The following TMEM178B variants were observed in gnomAD, a reference collection of about 807,000 sequenced individuals.
TMEM178B encodes the protein transmembrane protein 178B.
A neutral mutation model predicts 31.0 loss-of-function variants in TMEM178B; 5 were observed. The ratio of observed to expected loss-of-function variants is 0.16; its 90% CI spans 0.08 to 0.34. The LOEUF is 0.34. TMEM178B is among the 10% of genes least tolerant of loss of function. The probability of loss-of-function intolerance (pLI) is 1.00; values close to 1 mark genes in which losing one functional copy is unlikely to be tolerated. For synonymous variants in TMEM178B, 164 were observed against 164.0 expected, an observed-to-expected ratio of 1.00 and a Z score of 0.00; for missense variants, 275 against 400.3, an observed-to-expected ratio of 0.69 and a Z score of 2.67.
At chr7:141,500,306 A>G in the TMEM178B span, among the ~76,000 whole-genome samples, 1 of 152,322 alleles carries the variant, frequency 6.6e-6, no homozygotes, top group African/African-American at 2.4e-5. Context: ...AATGAAGCCA[A>G]TACTGCAGGG....
At chr7:141,110,803 G>A (rs1795222835) in intron 1 of TMEM178B, among the ~76,000 whole-genome samples, 1 of 152,200 alleles carries the variant, frequency 6.6e-6, no homozygotes, top group Non-Finnish European at 1.5e-5. Flanking sequence ...GATTAAATGA[G>A]GTTGTAAGGC....
chr7:141,505,653 C>T, the TMEM178B span, among the ~76,000 whole-genome samples: 49 of 152,298 alleles, frequency 3.2e-4, no homozygotes, highest in Middle Eastern at 6.8e-3. Flanking sequence ...TACTGCCTGC[C>T]GAACAGGACT....
intron 1 of TMEM178B, among the ~76,000 whole-genome samples, chr7:141,117,751 A>G (rs1482339027): frequency 1.3e-5 from 2 of 152,156 alleles, no homozygotes; most frequent in African/African-American, 2.4e-5. Flanking sequence ...TCCCAATACC[A>G]TTTATTAAAT....
intron 3 of TMEM178B, among the ~76,000 whole-genome samples, chr7:141,460,539 A>C (rs1712268515): frequency 6.6e-6 from 1 of 152,230 alleles, no homozygotes; most frequent in Non-Finnish European, 1.5e-5. Context: ...AGATGTGTAA[A>C]AACCAAGGGA....
chr7:141,204,745 T>A (rs891570549), intron 1 of TMEM178B, among the ~76,000 whole-genome samples: 1 of 152,234 alleles, frequency 6.6e-6, no homozygotes, highest in African/African-American at 2.4e-5. Context: ...CCTTGATATC[T>A]ATTTTTCACT....
chr7:141,100,098 C>T (rs529192683), intron 1 of TMEM178B, among the ~76,000 whole-genome samples: 191 of 152,278 alleles, frequency 1.3e-3, no homozygotes, highest in Non-Finnish European at 2.0e-3. Flanking sequence ...GGATTACAGG[C>T]GTGAGCCACT....
intron 3 of TMEM178B, among the ~76,000 whole-genome samples, chr7:141,451,527 A>G (rs560487556): frequency 1.5e-4 from 23 of 152,310 alleles, no homozygotes; most frequent in African/African-American, 4.1e-4. Context: ...ATTATGCAGC[A>G]CTGTCTTCCA....
intron 1 of TMEM178B, among the ~76,000 whole-genome samples, chr7:141,080,348 C>A (rs993637502): frequency 6.6e-6 from 1 of 152,118 alleles, no homozygotes; most frequent in Non-Finnish European, 1.5e-5. Flanking sequence ...CGGCTGGGCA[C>A]GGTGGCGCAC....
intron 2 of TMEM178B, among the ~76,000 whole-genome samples, chr7:141,396,094 G>A (rs544871875): frequency 6.6e-6 from 1 of 152,212 alleles, no homozygotes; most frequent in South Asian, 2.1e-4. Flanking sequence ...GGGCTTGGGG[G>A]TGCTCACCAG....
chr7:141,418,566 G>A (rs956707862), intron 2 of TMEM178B, among the ~76,000 whole-genome samples: 1 of 152,062 alleles, frequency 6.6e-6, no homozygotes, highest in Admixed American at 6.5e-5. Flanking sequence ...CACTTCCATG[G>A]TGACCCTTAT....
At chr7:141,104,345 A>T (rs1393659797) in intron 1 of TMEM178B, among the ~76,000 whole-genome samples, 2 of 152,222 alleles carry the variant, frequency 1.3e-5, no homozygotes, top group South Asian at 2.1e-4. Flanking sequence ...TCTAGAAAAC[A>T]TTCTACTGCC....
At chr7:141,338,076 A>G (rs113275667) in intron 2 of TMEM178B, among the ~76,000 whole-genome samples, 2 of 152,162 alleles carry the variant, frequency 1.3e-5, no homozygotes, top group African/African-American at 4.8e-5. Context: ...TGACCTCGTG[A>G]TGCACCCACC....
chr7:141,095,595 G>A (rs1015770552), intron 1 of TMEM178B, among the ~76,000 whole-genome samples: 8 of 152,022 alleles, frequency 5.3e-5, no homozygotes, highest in African/African-American at 1.9e-4. Flanking sequence ...ATAATCTTTG[G>A]TCGCCCATTT....
In TMEM178B at chr7:141,241,624, G is replaced by C. The variant is rs991395333; in HGVS notation, c.496+28920G>C. Among the ~76,000 whole-genome samples the C allele has an allele frequency of 2.7e-4, 41 of 150,292 alleles. 1 individual carries two copies. The highest frequency in any genetic ancestry group is 4.7e-4 in the Admixed American group (7 of 14,942). On this transcript the variant is annotated intron_variant, in intron 2 of 3. Coordinates refer to ENST00000565468, the MANE Select transcript of TMEM178B (RefSeq NM_001195278.2). ...AAAAAAAAAAAAAAAGAATTTATCTGGTTCCTCAGCTACCAAGGCTCCAGC... is the reference window on the plus strand; with the variant it reads ...AAAAAAAAAAAAAAAGAATTTATCTCGTTCCTCAGCTACCAAGGCTCCAGC...
chr7:141,161,549 A>G (rs1176225392), intron 1 of TMEM178B, among the ~76,000 whole-genome samples: 1 of 152,142 alleles, frequency 6.6e-6, no homozygotes, highest in Admixed American at 6.5e-5. Flanking sequence ...GCTGAGTTTT[A>G]TGAAGGTCAT....
chr7:141,500,263 A>C, the TMEM178B span, among the ~76,000 whole-genome samples: 15,764 of 152,144 alleles, frequency 0.1, 2,472 homozygotes, highest in African/African-American at 0.34. Context: ...ATAATCTAGG[A>C]GAGGAATCAG....
intron 2 of TMEM178B, among the ~76,000 whole-genome samples, chr7:141,259,882 C>T (rs1797985482): frequency 6.6e-6 from 1 of 152,098 alleles, no homozygotes; most frequent in African/African-American, 2.4e-5. Context: ...CTGGCTTTTA[C>T]TTTCCGTTAT....
intron 2 of TMEM178B, among the ~76,000 whole-genome samples, chr7:141,431,636 G>A (rs937489204): frequency 1.2e-4 from 19 of 152,204 alleles, no homozygotes; most frequent in African/African-American, 3.9e-4. Flanking sequence ...GCCTTTGCCT[G>A]CAGAGTCAAA....
intron 2 of TMEM178B, among the ~76,000 whole-genome samples, chr7:141,385,646 G>T (rs1221847054): frequency 6.6e-6 from 1 of 152,140 alleles, no homozygotes; most frequent in African/African-American, 2.4e-5. Context: ...TTTTTATCCA[G>T]TTCTACCTGT....
Sources: gnomAD v4.1 joint callset for allele counts (sites outside exome capture counted in the v4.1 genomes callset) on GRCh38, gnomAD v4.1.1 for gene constraint, MANE v1.5 for transcripts, NCBI Gene and HGNC (gene_info 2026-07-23, HGNC 2026-07-21) for gene names.